Variants in NCKAP1L observed in about 807,000 individuals in gnomAD.
NCKAP1L encodes the protein nck-associated protein 1-like.
A neutral mutation model predicts 139.2 loss-of-function variants in NCKAP1L; 53 were observed. The observed-to-expected ratio is 0.38, with a 90% CI of 0.31 to 0.48. The LOEUF (loss-of-function observed/expected upper bound fraction) is 0.48. Ranked by LOEUF, NCKAP1L falls within the 20% of genes least tolerant of loss-of-function variation. The pLI is 0.98. For synonymous variants in NCKAP1L, 468 were observed against 499.7 expected, an observed-to-expected ratio of 0.94 and a Z score of 0.85; for missense variants, 1,151 against 1,381.9, an observed-to-expected ratio of 0.83 and a Z score of 2.65.
In NCKAP1L at chr12:54,544,440, T is replaced by A. The variant is rs1163206689; in HGVS notation, c.*1755T>A. On this transcript the variant is annotated 3_prime_UTR_variant, in exon 31 of 31. Transcript: ENST00000293373. ...TTTAAAACTGAAAATTTTATTGAGA[T>A]ACTTAATCCACCTGCACTTGTAAGA... The A allele has an allele frequency of 6.6e-6, 1 of 152,212 alleles. No individual in the cohort carries two copies. The highest frequency in any genetic ancestry group is 2.4e-5 in the African/African-American group (1 of 41,434). 9.4% of individuals were successfully genotyped at this position (152,212 alleles called of 1,614,324 possible).
chr12:54,531,632 T>A (rs527615131), intron 24 of NCKAP1L, 48 bp downstream of exon 24: 1 of 1,607,236 alleles, frequency 6.2e-7, no homozygotes, highest in South Asian at 1.1e-5. Context: ...GGAATCACAT[T>A]GCAGATGACA....
chr12:54,540,222 T>C (rs1957146231), intron 30 of NCKAP1L, among the ~76,000 whole-genome samples: 1 of 152,338 alleles, frequency 6.6e-6, no homozygotes, highest in Non-Finnish European at 1.5e-5. Flanking sequence ...CCAGAAATGC[T>C]AGGGGCCAGG....
At chr12:54,518,075 T>C in intron 13 of NCKAP1L, 137 bp downstream of exon 13, 1 of 990,700 alleles carries the variant, frequency 1.0e-6, no homozygotes, top group Non-Finnish European at 1.5e-6. Flanking sequence ...GCGCGGTGGC[T>C]CACGTCTGTA....
At chr12:54,516,840 T>C (rs1295598627) in intron 10 of NCKAP1L, 56 bp from the exon 11 acceptor site, 3 of 1,456,330 alleles carry the variant, frequency 2.1e-6, no homozygotes, top group Admixed American at 3.4e-5. Flanking sequence ...GTGCTGCCTG[T>C]GGAGGGTTTT....
Position 54,528,282 on chromosome 12 carries a change from G to T in NCKAP1L, c.2411G>T (p.Gly804Val). The T allele has an allele frequency of 6.2e-7, 1 of 1,613,900 alleles. No homozygotes were observed. The highest frequency in any genetic ancestry group is 8.5e-7 in the Non-Finnish European group (1 of 1,179,894). ...AGTCTGCTTAGACAGGCAAGCAGTG[G>T]GACCATCATCCTCTCCCCAGCCATG... ...LESLLRQASS[G>V]TIILSPAMQA... The change falls in exon 22 of 31, where the codon GGG (glycine) becomes GTG (valine). Residue 804 changes from glycine to valine, a missense_variant. Physicochemically the swap from Gly to Val is moderately radical, Grantham distance 109. Transcript: ENST00000293373.
intron 1 of NCKAP1L, among the ~76,000 whole-genome samples, chr12:54,498,988 C>T (rs977447234): frequency 6.6e-6 from 1 of 151,462 alleles, no homozygotes; most frequent in Non-Finnish European, 1.5e-5. Flanking sequence ...TGCAGTGGCA[C>T]GATCTTGGCT....
chr12:54,531,252 T>C lies in NCKAP1L; in HGVS notation c.2507-8T>C. The C allele has an allele frequency of 1.2e-6, 2 of 1,610,304 alleles. No homozygotes were observed. Among genetic ancestry groups the C allele is most frequent in the Non-Finnish European group, 1.7e-6 (2 of 1,176,418 alleles). ...GTCCCATCTGGGGCCTCTGTAACTC[T>C]GTTCCAGAGATGCGGGCCTTGGCAG... is the stretch of plus-strand genomic sequence containing the variant. On this transcript the variant is annotated splice_polypyrimidine_tract_variant and splice_region_variant and intron_variant, in intron 22 of 30. Coordinates refer to ENST00000293373, the MANE Select transcript of NCKAP1L (RefSeq NM_005337.5).
intron 3 of NCKAP1L, among the ~76,000 whole-genome samples, chr12:54,506,796 A>AAAAAAAATATATATATAT: frequency 4.1e-4 from 21 of 50,604 alleles, no homozygotes; most frequent in Admixed American, 6.7e-4. Context: ...AAAAAAAAAA[A>AAAAAAAATATATATATAT]ATATATATAT....
At chr12:54,521,338 C>A in intron 18 of NCKAP1L, 100 bp downstream of exon 18, 1 of 1,521,436 alleles carries the variant, frequency 6.6e-7, no homozygotes, top group Non-Finnish European at 8.9e-7. Context: ...AGCTCAGTAA[C>A]TCTTTCTCTG....
intron 20 of NCKAP1L, among the ~76,000 whole-genome samples, chr12:54,525,852 C>G (rs549490100): frequency 6.6e-5 from 10 of 152,272 alleles, no homozygotes; most frequent in South Asian, 2.1e-4. Flanking sequence ...AGGACTGACT[C>G]TAATTGTGAA....
chr12:54,516,410 A>G, intron 10 of NCKAP1L, 115 bp downstream of exon 10: 1 of 912,746 alleles, frequency 1.1e-6, no homozygotes, highest in South Asian at 1.4e-5. Context: ...TCAACCCAAG[A>G]ACTTGCTGCT....
At chr12:54,507,930 C>G (rs749911627) in intron 4 of NCKAP1L, 21 bp downstream of exon 4, 1 of 1,611,382 alleles carries the variant, frequency 6.2e-7, no homozygotes, top group East Asian at 2.2e-5. Flanking sequence ...TTGCAATTCT[C>G]TTCTATCGTA....
In NCKAP1L at chr12:54,542,566, C is replaced by A; in HGVS notation, c.3274-9C>A. 1.2e-6 allele frequency: 2 copies of A among 1,604,082 alleles called. No individual in the cohort carries two copies. The highest frequency in any genetic ancestry group is 1.3e-5 in the African/African-American group (1 of 74,838). On this transcript the variant is annotated splice_polypyrimidine_tract_variant and intron_variant, in intron 30 of 30. Coordinates refer to ENST00000293373, the MANE Select transcript of NCKAP1L (RefSeq NM_005337.5). ...TGAGGTTCTCATCTCTTGGCCCCATCTCTTTCAGGTGGTGGAGGAGTCATC... is the reference window on the plus strand; with the variant it reads ...TGAGGTTCTCATCTCTTGGCCCCATATCTTTCAGGTGGTGGAGGAGTCATC...
Position 54,500,627 on chromosome 12 carries a change from TG to T in NCKAP1L, c.306+3del. On this transcript the variant is annotated splice_donor_region_variant and intron_variant, in intron 3 of 30. Coordinates refer to ENST00000293373, the MANE Select transcript of NCKAP1L (RefSeq NM_005337.5). The stretch of plus-strand genomic sequence containing the variant: ...TTTGTGGATGTCATGGAATTTCGGG[TG>T]AGCTCTCTTGAGCCGTTTCCAATGT... 6.4e-7 allele frequency: 1 copy of T among 1,574,574 alleles called. No homozygotes were observed. The highest frequency in any genetic ancestry group is 8.7e-7 in the Non-Finnish European group (1 of 1,144,130).
Position 54,532,131 on chromosome 12 carries a change from C to A in NCKAP1L, c.2782-39C>A, listed in dbSNP as rs1307806186. On this transcript the variant is annotated intron_variant, in intron 25 of 30. Transcript: ENST00000293373. Reference sequence around the variant, plus strand: ...TCTACCTATTTTTGAAGGCATTGGTCATGGTCTTGTGGACTCATTTATCTT... The same window carrying A: ...TCTACCTATTTTTGAAGGCATTGGTAATGGTCTTGTGGACTCATTTATCTT... 7.0e-6 allele frequency: 10 copies of A among 1,433,246 alleles called. No homozygotes were observed. In the South Asian group the frequency reaches 7.4e-5, roughly 11 times the overall value. 88.8% of individuals were successfully genotyped at this position (1,433,246 alleles called of 1,614,324 possible).
rs1957104440 is a variant in NCKAP1L at position 54,535,147 on chromosome 12, G to A, written c.2906G>A (p.Gly969Asp). Residue 969 changes from glycine (G) to aspartate (D), a missense_variant, in exon 27 of 31, where the codon GGC (glycine) becomes GAC (aspartate). By Grantham distance (94) the Gly-to-Asp change is moderately conservative. Coordinates refer to ENST00000293373, the MANE Select transcript of NCKAP1L (RefSeq NM_005337.5). Reference sequence around the variant, plus strand: ...GAGCTGGCATCTGCTGCAGGTGTGGGCTGTGACATTGACCCAGCCTTGGTG... The same window carrying A: ...GAGCTGGCATCTGCTGCAGGTGTGGACTGTGACATTGACCCAGCCTTGGTG... ...IFELASAAGV[G>D]CDIDPALVAA... The A allele has an allele frequency of 9.3e-6, 15 of 1,613,706 alleles. No homozygotes were observed. Among genetic ancestry groups the A allele is most frequent in the Non-Finnish European group, 1.3e-5 (15 of 1,179,804 alleles).
chr12:54,501,950 T>C (rs994583256), intron 3 of NCKAP1L, among the ~76,000 whole-genome samples: 1 of 152,236 alleles, frequency 6.6e-6, no homozygotes, highest in Non-Finnish European at 1.5e-5. Context: ...TGAGGTATTA[T>C]CTCATCTAAG....
At chr12:54,508,295 A>T (rs1956858829) in intron 4 of NCKAP1L, 94 bp from the exon 5 acceptor site, 2 of 1,222,898 alleles carry the variant, frequency 1.6e-6, no homozygotes, top group African/African-American at 1.5e-5. Context: ...TTCACTCGGA[A>T]TATATTGAGC....
At chr12:54,541,454 G>A (rs1957157466) in intron 30 of NCKAP1L, among the ~76,000 whole-genome samples, 3 of 152,168 alleles carry the variant, frequency 2.0e-5, no homozygotes, top group Non-Finnish European at 4.4e-5. Flanking sequence ...TAGCACCTTG[G>A]AGAAGACAGC....
Sources: allele counts gnomAD v4.1 joint callset (sites outside exome capture counted in the v4.1 genomes callset), GRCh38; gene constraint gnomAD v4.1.1; transcripts MANE v1.5; gene names NCBI Gene and HGNC (gene_info 2026-07-23, HGNC 2026-07-21).